CDK8: variants seen among roughly 807,000 people sequenced by gnomAD.
The protein encoded by CDK8 is cyclin dependent kinase 8.
In CDK8, 29 loss-of-function variants were observed where a neutral mutation model predicts 71.5. The observed-to-expected ratio is 0.41, with a 90% CI of 0.30 to 0.55. The LOEUF (loss-of-function observed/expected upper bound fraction) is 0.55. CDK8 is among the 20% of genes least tolerant of loss of function. The pLI is 0.37. For missense variants in CDK8, 288 were observed against 572.6 expected (o/e 0.50, Z 5.07); for synonymous variants, 161 against 192.1 (o/e 0.84, Z 1.34).
intron 1 of CDK8, among the ~76,000 whole-genome samples, chr13:26,280,083 C>T (rs1030407359): frequency 6.6e-6 from 1 of 152,098 alleles, no homozygotes; most frequent in African/African-American, 2.4e-5. Flanking sequence ...TAGGTTTAAA[C>T]ATTTTAAAAT....
intron 2 of CDK8, among the ~76,000 whole-genome samples, chr13:26,345,576 T>C (rs1172056444): frequency 1.3e-5 from 2 of 152,018 alleles, no homozygotes; most frequent in Non-Finnish European, 2.9e-5. Flanking sequence ...AGAGATGGGG[T>C]TTCACCATGT....
intron 1 of CDK8, among the ~76,000 whole-genome samples, chr13:26,261,470 T>G (rs979777008): frequency 6.6e-6 from 1 of 152,076 alleles, no homozygotes; most frequent in African/African-American, 2.4e-5. Flanking sequence ...CCCATTCCCC[T>G]CTCTCCCCAG....
intron 1 of CDK8, among the ~76,000 whole-genome samples, chr13:26,334,692 T>C (rs938562608): frequency 6.6e-6 from 1 of 152,212 alleles, no homozygotes; most frequent in African/African-American, 2.4e-5. Flanking sequence ...ATGTTACGTT[T>C]TAGTAATAAT....
chr13:26,352,837 A>G (rs1366175582), intron 3 of CDK8, among the ~76,000 whole-genome samples: 1 of 152,222 alleles, frequency 6.6e-6, no homozygotes, highest in African/African-American at 2.4e-5. Context: ...TCATAAGAAA[A>G]TAGCAAGTGA....
chr13:26,261,278 A>C (rs953408687), intron 1 of CDK8, among the ~76,000 whole-genome samples: 6 of 152,218 alleles, frequency 3.9e-5, no homozygotes, highest in African/African-American at 1.4e-4. Context: ...GTAGCAGAAA[A>C]AATGCTGAGA....
In CDK8 at chr13:26,404,094, T is replaced by A. The variant is rs1876399973; in HGVS notation, c.*13T>A. 1 of 1,613,560 alleles carries A rather than the reference T, an allele frequency of 6.2e-7. No individual in the cohort carries two copies. The highest frequency in any genetic ancestry group is 8.5e-7 in the Non-Finnish European group (1 of 1,179,718). ...ACATCGGTACTGAGCTGCATCGGAATCTTGTCCATGCACTGTTGCGAATGC... is the reference window on the plus strand; with the variant it reads ...ACATCGGTACTGAGCTGCATCGGAAACTTGTCCATGCACTGTTGCGAATGC... On this transcript the variant is annotated 3_prime_UTR_variant, in exon 13 of 13. Transcript: ENST00000381527.
chr13:26,374,976 C>T (rs909439761), intron 4 of CDK8, among the ~76,000 whole-genome samples: 1 of 151,570 alleles, frequency 6.6e-6, no homozygotes, highest in African/African-American at 2.4e-5. Context: ...AATTTAAGGA[C>T]CTAGGAACAA....
chr13:26,383,735 C>G (rs894583461), intron 5 of CDK8, among the ~76,000 whole-genome samples: 1 of 152,172 alleles, frequency 6.6e-6, no homozygotes, highest in African/African-American at 2.4e-5. Context: ...AATATTCTTC[C>G]TTATAAATCC....
chr13:26,287,636 A>G (rs2137895513), intron 1 of CDK8, among the ~76,000 whole-genome samples: 1 of 152,296 alleles, frequency 6.6e-6, no homozygotes, highest in Admixed American at 6.5e-5. Context: ...TGCTCAGGTG[A>G]TGGGTGCATC....
chr13:26,317,477 C>G (rs1368345093), intron 1 of CDK8, among the ~76,000 whole-genome samples: 1 of 152,140 alleles, frequency 6.6e-6, no homozygotes, highest in African/African-American at 2.4e-5. Context: ...TTCTACCCAA[C>G]AAAAGTGTAC....
chr13:26,296,358 C>T (rs1053089015), intron 1 of CDK8, among the ~76,000 whole-genome samples: 3 of 152,160 alleles, frequency 2.0e-5, no homozygotes, highest in African/African-American at 7.2e-5. Flanking sequence ...TTTGGGTTAC[C>T]TAATTTACTT....
intron 1 of CDK8, among the ~76,000 whole-genome samples, chr13:26,292,427 G>A (rs1223943840): frequency 1.6e-4 from 24 of 152,172 alleles, no homozygotes; most frequent in Non-Finnish European, 1.2e-4. Flanking sequence ...TTTTTGTGCT[G>A]TAAGATGGCT....
intron 1 of CDK8, among the ~76,000 whole-genome samples, chr13:26,296,993 C>G (rs766664660): frequency 1.6e-4 from 24 of 152,162 alleles, no homozygotes; most frequent in Admixed American, 1.3e-4. Context: ...GACCTCTAGT[C>G]CTCTTCTAAG....
At chr13:26,268,282 C>T (rs1424727924) in intron 1 of CDK8, among the ~76,000 whole-genome samples, 1 of 150,736 alleles carries the variant, frequency 6.6e-6, no homozygotes, top group Non-Finnish European at 1.5e-5. Context: ...CACACACACA[C>T]ACACACACAC....
At chr13:26,317,360 A>G (rs1219798917) in intron 1 of CDK8, among the ~76,000 whole-genome samples, 1 of 152,226 alleles carries the variant, frequency 6.6e-6, no homozygotes, top group Non-Finnish European at 1.5e-5. Flanking sequence ...CAGTTCTGTG[A>G]TAATGAAGTT....
At position 26,376,000 on chromosome 13, in the gene CDK8, T is replaced by C. The variant is rs190825054; in HGVS notation, c.457-6814T>C. Reference sequence around the variant, plus strand: ...AAAAAAGTAGGGGGTGGGAGTGGCATAACCAAGTGTCTGTTAATAGAAGAA... The same window carrying C: ...AAAAAAGTAGGGGGTGGGAGTGGCACAACCAAGTGTCTGTTAATAGAAGAA... On this transcript the variant is annotated intron_variant, in intron 4 of 12. Coordinates refer to ENST00000381527, the MANE Select transcript of CDK8 (RefSeq NM_001260.3). Among the ~76,000 whole-genome samples the C allele has an allele frequency of 5.2e-4, 79 of 152,290 alleles. 1 individual carries two copies. Among genetic ancestry groups the C allele is most frequent in the East Asian group, 4.4e-3 (23 of 5,176 alleles).
At chr13:26,336,211 A>T (rs1029345386) in intron 1 of CDK8, among the ~76,000 whole-genome samples, 5 of 152,130 alleles carry the variant, frequency 3.3e-5, no homozygotes, top group Admixed American at 2.0e-4. Flanking sequence ...TGTCTACAAG[A>T]TCCTTTCAGA....
chr13:26,393,350 TTC>T lies in CDK8; in HGVS notation c.647-15_647-14del. On this transcript the variant is annotated splice_polypyrimidine_tract_variant and intron_variant, in intron 6 of 12. Coordinates refer to ENST00000381527, the MANE Select transcript of CDK8 (RefSeq NM_001260.3). ...TGCCTATTTTTCTTTCTTTTTTTTT[TTC>T]TTTTTGTTTTAAAGATATTTGGGCT... 1.4e-6 allele frequency: 2 copies of T among 1,480,802 alleles called. No homozygotes were observed. The highest frequency in any genetic ancestry group is 1.3e-5 in the South Asian group (1 of 75,294). 91.7% of individuals were successfully genotyped at this position (1,480,802 alleles called of 1,614,324 possible).
intron 1 of CDK8, among the ~76,000 whole-genome samples, chr13:26,312,610 C>A (rs994003848): frequency 6.6e-6 from 1 of 152,114 alleles, no homozygotes; most frequent in Non-Finnish European, 1.5e-5. Context: ...TCTGAAGGAA[C>A]AAACTCCAGA....
Sources: allele counts gnomAD v4.1 joint callset (sites outside exome capture counted in the v4.1 genomes callset), GRCh38; gene constraint gnomAD v4.1.1; transcripts MANE v1.5; gene names NCBI Gene and HGNC (gene_info 2026-07-23, HGNC 2026-07-21).